Variants in ZNF385D observed in about 807,000 individuals in gnomAD.
ZNF385D encodes zinc finger protein 659.
Under a neutral mutation model 35.8 loss-of-function variants are expected in ZNF385D, and 15 were observed. The observed-to-expected ratio is 0.42, with a 90% CI of 0.28 to 0.64. The LOEUF is 0.64. Ranked by LOEUF, ZNF385D falls within the 30% of genes least tolerant of loss-of-function variation. The pLI, the probability that ZNF385D is intolerant of heterozygous loss-of-function variation, is 0.23. For synonymous variants in ZNF385D, 212 were observed against 186.8 expected, an observed-to-expected ratio of 1.13 and a Z score of -1.10; for missense variants, 474 against 494.6, an observed-to-expected ratio of 0.96 and a Z score of 0.39.
At chr3:22,101,072 G>A (rs1016826155) in intron 3 of ZNF385D, among the ~76,000 whole-genome samples, 1 of 151,884 alleles carries the variant, frequency 6.6e-6, no homozygotes, top group Non-Finnish European at 1.5e-5. Flanking sequence ...AGAAGTTAAT[G>A]AAAACTTAGA....
chr3:22,087,055 T>G (rs1701082994), intron 3 of ZNF385D, among the ~76,000 whole-genome samples: 1 of 152,120 alleles, frequency 6.6e-6, no homozygotes, highest in Non-Finnish European at 1.5e-5. Context: ...CACGCACATG[T>G]ACCCTAGAAC....
intron 3 of ZNF385D, among the ~76,000 whole-genome samples, chr3:21,997,796 A>G (rs919678848): frequency 6.6e-6 from 1 of 152,036 alleles, no homozygotes; most frequent in Non-Finnish European, 1.5e-5. Flanking sequence ...AGGAATTCTT[A>G]ACTCAAAGTC....
chr3:22,172,407 G>A (rs368018557), intron 2 of ZNF385D, among the ~76,000 whole-genome samples: 1 of 152,128 alleles, frequency 6.6e-6, no homozygotes. Context: ...ATGTATGTGA[G>A]TTAATTTGAG....
At chr3:22,316,652 C>T (rs993918) in intron 2 of ZNF385D, among the ~76,000 whole-genome samples, 87,249 of 151,956 alleles carry the variant, frequency 0.57, 25,976 homozygotes, top group African/African-American at 0.71. Context: ...TCAGATTCCC[C>T]AAAACTCAGC....
chr3:21,824,343 T>G (rs1575724390), intron 3 of ZNF385D, among the ~76,000 whole-genome samples: 1 of 152,200 alleles, frequency 6.6e-6, no homozygotes, highest in Non-Finnish European at 1.5e-5. Flanking sequence ...TTGAGACACA[T>G]TTGTCCATAT....
At chr3:22,061,966 A>G (rs1037056602) in intron 3 of ZNF385D, among the ~76,000 whole-genome samples, 2 of 152,254 alleles carry the variant, frequency 1.3e-5, no homozygotes, top group Non-Finnish European at 2.9e-5. Context: ...AATACCATGC[A>G]TTCAATAAGT....
At chr3:22,259,559 A>T (rs560453400) in intron 2 of ZNF385D, among the ~76,000 whole-genome samples, 3 of 152,100 alleles carry the variant, frequency 2.0e-5, no homozygotes, top group African/African-American at 7.2e-5. Context: ...CATGTAACAG[A>T]AGTGCTGTGT....
intron 2 of ZNF385D, among the ~76,000 whole-genome samples, chr3:22,279,615 C>CATATGTACAT (rs1701631909): frequency 7.6e-6 from 1 of 131,666 alleles, no homozygotes; most frequent in African/African-American, 3.1e-5. Flanking sequence ...TATACATATA[C>CATATGTACAT]ATATATGTAT....
intron 3 of ZNF385D, among the ~76,000 whole-genome samples, chr3:22,152,592 C>T (rs187683896): frequency 2.0e-4 from 30 of 152,250 alleles, no homozygotes; most frequent in African/African-American, 6.0e-4. Context: ...CTCCTAAGTG[C>T]GTCGTCACTC....
rs748258143 is a variant in ZNF385D at position 21,424,020 on chromosome 3, G to A, written c.897C>T (p.Pro299=). Residue 299 remains proline (P), a synonymous_variant, in exon 7 of 8, where the codon CCC becomes CCT. Transcript: ENST00000281523. The part of the protein sequence containing the change: ...RRHKDRAAGK[P]PKPKYSPYNK... ...TGTAAGGACTGTATTTAGGTTTCGG[G>A]GGCTTCCCAGCAGCTCTGTCTTTGT... 1 of 1,603,620 alleles carries A rather than the reference G, an allele frequency of 6.2e-7. No homozygotes were observed.
chr3:22,115,595 G>T (rs1053955986), intron 3 of ZNF385D, among the ~76,000 whole-genome samples: 1 of 152,058 alleles, frequency 6.6e-6, no homozygotes, highest in African/African-American at 2.4e-5. Context: ...ATTATATGTT[G>T]TCAGTTACAT....
intron 4 of ZNF385D, among the ~76,000 whole-genome samples, chr3:21,463,859 A>C (rs953817378): frequency 6.6e-6 from 1 of 151,992 alleles, no homozygotes; most frequent in African/African-American, 2.4e-5. Context: ...GGTTAGTACA[A>C]TATAGTGTAC....
chr3:21,906,655 T>G (rs1699700518), intron 3 of ZNF385D, among the ~76,000 whole-genome samples: 1 of 152,152 alleles, frequency 6.6e-6, no homozygotes. Context: ...GTGCCCAGCC[T>G]TGGCTCCAAA....
rs1704385438 is a variant in ZNF385D at position 22,139,801 on chromosome 3, A to G, written c.325+29016T>C. ...AAAGAATAGTTCATTAAGTAGAGAT[A>G]TAAGTTGTCAAGCAAACAACAAAAC... is the stretch of plus-strand genomic sequence containing the variant. On this transcript the variant is annotated intron_variant, in intron 3 of 5. Coordinates refer to the ZNF385D transcript ENST00000494108. Among the ~76,000 whole-genome samples, 3 of 152,202 alleles carry G rather than the reference A, an allele frequency of 2.0e-5. 1 individual carries two copies. In the South Asian group the frequency reaches 6.2e-4, roughly 32 times the overall value.
At chr3:22,008,163 A>T (rs1437885453) in intron 3 of ZNF385D, among the ~76,000 whole-genome samples, 1 of 152,080 alleles carries the variant, frequency 6.6e-6, no homozygotes. Context: ...TTGGAACCGA[A>T]GCTCCTCATA....
chr3:21,898,243 C>A (rs1030699726), intron 3 of ZNF385D, among the ~76,000 whole-genome samples: 4 of 152,118 alleles, frequency 2.6e-5, no homozygotes, highest in African/African-American at 9.7e-5. Flanking sequence ...TTTATTATCA[C>A]CGAACAATGA....
At chr3:21,993,926 T>G (rs377240008) in intron 3 of ZNF385D, among the ~76,000 whole-genome samples, 11 of 152,316 alleles carry the variant, frequency 7.2e-5, no homozygotes, top group Admixed American at 5.9e-4. Context: ...GCATTCATCA[T>G]GTCCCCTCAA....
At chr3:22,007,826 A>AT (rs199651390) in intron 3 of ZNF385D, among the ~76,000 whole-genome samples, 24,754 of 150,954 alleles carry the variant, frequency 0.16, 2,184 homozygotes, top group Non-Finnish European at 0.19. Flanking sequence ...CTAGTTTTTA[A>AT]TTTTTATATA....
intron 2 of ZNF385D, among the ~76,000 whole-genome samples, chr3:22,302,463 C>T (rs1702955465): frequency 6.6e-6 from 1 of 151,962 alleles, no homozygotes; most frequent in East Asian, 1.9e-4. Flanking sequence ...ACTCACTGAT[C>T]TGTAATTTCC....
Sources: allele counts gnomAD v4.1 joint callset (sites outside exome capture counted in the v4.1 genomes callset), GRCh38; gene constraint gnomAD v4.1.1; transcripts MANE v1.5; gene names NCBI Gene and HGNC (gene_info 2026-07-23, HGNC 2026-07-21).